The following NUP133 variants were observed in gnomAD, a reference collection of about 807,000 sequenced individuals.
The protein encoded by NUP133 is nucleoporin 133, also known as nuclear pore complex protein Nup133.
A neutral mutation model predicts 146.2 loss-of-function variants in NUP133; 66 were observed. That is an observed-to-expected ratio of 0.45 (90% CI 0.37 to 0.55). The LOEUF is 0.55. Ranked by LOEUF, NUP133 falls within the 20% of genes least tolerant of loss-of-function variation. The pLI is 0.00. For missense variants in NUP133, 1,277 were observed against 1,374.8 expected (o/e 0.93, Z 1.12); for synonymous variants, 521 against 498.8 (o/e 1.04, Z -0.59).
rs1192932807 is a variant in NUP133, at chr1:229,486,535, G to A, written c.1343-7C>T. 3.1e-6 allele frequency: 5 copies of A among 1,599,492 alleles called. No homozygotes were observed. The highest frequency in any genetic ancestry group is 4.3e-6 in the Non-Finnish European group (5 of 1,176,034). On this transcript the variant is annotated splice_region_variant and splice_polypyrimidine_tract_variant and intron_variant, in intron 10 of 25. Coordinates refer to ENST00000261396, the MANE Select transcript of NUP133 (RefSeq NM_018230.3). ...GCACCTAAAACACTATCTCCTAAAA[G>A]AAAGGAAAACAGAGTCAAATACATC...
intron 9 of NUP133, among the ~76,000 whole-genome samples, chr1:229,489,149 T>TTTCTTC (rs1661440314): frequency 6.6e-6 from 1 of 152,134 alleles, no homozygotes; most frequent in African/African-American, 2.4e-5. Context: ...CCTTTTTCTT[T>TTTCTTC]TTCTTCTTTT....
chr1:229,455,175 T>A (rs1660534084), intron 21 of NUP133, among the ~76,000 whole-genome samples: 2 of 152,246 alleles, frequency 1.3e-5, no homozygotes, highest in Non-Finnish European at 2.9e-5. Flanking sequence ...TAGGCTGGAC[T>A]CTGTGGATAA....
chr1:229,487,716 C>T lies in NUP133; in HGVS notation c.1195-103G>A, dbSNP rs1004078867. On this transcript the variant is annotated intron_variant, in intron 9 of 25. Transcript: ENST00000261396. ...TACATTATTTCATAAAAATATTTCA[C>T]CAATTCTCTTTGTAAAAATCTGAAC... 6 of 902,768 alleles carry T rather than the reference C, an allele frequency of 6.6e-6. No homozygotes were observed. In the African/African-American group the frequency reaches 1.0e-4, roughly 15 times the overall value. 55.9% of individuals were successfully genotyped at this position (902,768 alleles called of 1,614,324 possible). A position where few individuals can be genotyped will look rare whatever the true frequency, so the allele number is the denominator to read the frequency against.
intron 12 of NUP133, among the ~76,000 whole-genome samples, chr1:229,481,540 CT>C (rs1300562455): frequency 6.6e-6 from 1 of 151,926 alleles, no homozygotes; most frequent in Non-Finnish European, 1.5e-5. Flanking sequence ...AACCTCGTCT[CT>C]ATTAAAAATT....
intron 12 of NUP133, among the ~76,000 whole-genome samples, chr1:229,478,463 G>A (rs765065338): frequency 1.3e-5 from 2 of 151,842 alleles, no homozygotes; most frequent in Admixed American, 1.3e-4. Context: ...TGGGGGAGGG[G>A]TATACAGCTG....
At chr1:229,495,606 G>T in intron 7 of NUP133, 41 bp from the exon 8 acceptor site, 1 of 1,429,626 alleles carries the variant, frequency 7.0e-7, no homozygotes. Context: ...TCAAGTGCAG[G>T]AATGATTTAT....
At chr1:229,494,711 G>A (rs927159845) in intron 8 of NUP133, among the ~76,000 whole-genome samples, 2 of 152,178 alleles carry the variant, frequency 1.3e-5, no homozygotes, top group African/African-American at 2.4e-5. Context: ...TATGAACTAT[G>A]ATTAAGTTCT....
rs767384076 is a variant in NUP133 at position 229,466,674 on chromosome 1, T to C, written c.2159A>G (p.Glu720Gly). Reference protein sequence around the residue: ...VLRDAPMDSIEWAEVVINVNN... With the variant: ...VLRDAPMDSIGWAEVVINVNN... Reference sequence around the variant, plus strand: ...CACATTGATCACCACTTCAGCCCATTCAATGGAATCCATAGGTGCATCCCT... The same window carrying C: ...CACATTGATCACCACTTCAGCCCATCCAATGGAATCCATAGGTGCATCCCT... Residue 720 changes from glutamate (E) to glycine (G), a missense_variant, in exon 16 of 26, where the codon GAA (glutamate) becomes GGA (glycine). Glu to Gly is a moderately conservative substitution (Grantham distance 98). Transcript: ENST00000261396. The C allele has an allele frequency of 1.2e-6, 2 of 1,614,054 alleles. No individual in the cohort carries two copies. The highest frequency in any genetic ancestry group is 8.5e-7 in the Non-Finnish European group (1 of 1,179,948).
rs1179439770 is a variant in NUP133, at chr1:229,508,218, G to A, written c.32C>T (p.Pro11Leu). 1.9e-6 allele frequency: 3 copies of A among 1,548,422 alleles called. No individual in the cohort carries two copies. Among genetic ancestry groups the A allele is most frequent in the East Asian group, 2.4e-5 (1 of 40,900 alleles). ...CGGGCCCCTTCGGGACCCGGTACCC[G>A]GGGTCCGCGGAGAAGGGGCGGCTGG... MFPAAPSPRT[P>L]GTGSRRGPLA... is the part of the protein sequence containing the mutation. The change falls in exon 1 of 26, where the codon CCG becomes CTG. Residue 11 changes from proline (P) to leucine (L), a missense_variant. Physicochemically the swap from Pro to Leu is moderately conservative, Grantham distance 98. This residue lies in a region of NUP133 where 319 missense variants were observed against 306.9 expected (regional missense o/e 1.04). Coordinates refer to ENST00000261396, the MANE Select transcript of NUP133 (RefSeq NM_018230.3).
chr1:229,506,229 T>G, intron 1 of NUP133, 71 bp from the exon 2 acceptor site: 1 of 815,730 alleles, frequency 1.2e-6, no homozygotes. Context: ...TTTATGTATA[T>G]ATTTTCACAG....
intron 18 of NUP133, 55 bp from the exon 19 acceptor site, chr1:229,463,731 T>A: frequency 6.6e-7 from 1 of 1,505,658 alleles, no homozygotes; most frequent in Non-Finnish European, 8.9e-7. Flanking sequence ...TTAAAATCTG[T>A]AATAAAAAAT....
intron 24 of NUP133, among the ~76,000 whole-genome samples, chr1:229,447,320 AT>A (rs1660323043): frequency 6.6e-6 from 1 of 152,180 alleles, no homozygotes; most frequent in African/African-American, 2.4e-5. Flanking sequence ...CATAATATGT[AT>A]GTTACAATAT....
At chr1:229,442,840 G>A (rs1294681906) in intron 25 of NUP133, among the ~76,000 whole-genome samples, 4 of 151,470 alleles carry the variant, frequency 2.6e-5, no homozygotes, top group African/African-American at 9.7e-5. Flanking sequence ...CCGGTAACTA[G>A]GATTACAGGT....
At chr1:229,482,534 T>G (rs954258349) in intron 12 of NUP133, among the ~76,000 whole-genome samples, 1 of 152,168 alleles carries the variant, frequency 6.6e-6, no homozygotes, top group African/African-American at 2.4e-5. Flanking sequence ...TTCCTGAGTA[T>G]TTATTCAAAT....
chr1:229,463,251 C>T (rs755939992), intron 19 of NUP133, among the ~76,000 whole-genome samples: 1 of 151,998 alleles, frequency 6.6e-6, no homozygotes, highest in Non-Finnish European at 1.5e-5. Flanking sequence ...ATTAGCCAGG[C>T]ATGGTGGCGA....
chr1:229,453,396 A>C (rs1238001035), intron 21 of NUP133, among the ~76,000 whole-genome samples: 1 of 152,212 alleles, frequency 6.6e-6, no homozygotes. Flanking sequence ...GCTTCTTGGG[A>C]GCATGTCTAG....
In NUP133 at chr1:229,501,452, C is replaced by T. The variant is rs374633811; in HGVS notation, c.405+547G>A. The stretch of plus-strand genomic sequence containing the variant: ...GCCCTGAGTTCCAACGGAACATGGC[C>T]AAGGAAGTAATGACTGGTAGAAGAG... On this transcript the variant is annotated intron_variant, in intron 3 of 25. Coordinates refer to ENST00000261396, the MANE Select transcript of NUP133 (RefSeq NM_018230.3). Among the ~76,000 whole-genome samples the T allele has an allele frequency of 4.6e-5, 7 of 152,186 alleles. No homozygotes were observed. In the East Asian group the frequency reaches 5.8e-4, roughly 13 times the overall value.
At chr1:229,489,272 C>A (rs78622589) in intron 9 of NUP133, among the ~76,000 whole-genome samples, 1 of 152,154 alleles carries the variant, frequency 6.6e-6, no homozygotes, top group South Asian at 2.1e-4. Context: ...CTTCCTGCCT[C>A]GGCCTGTTGA....
chr1:229,506,346 C>T (rs530752309), intron 1 of NUP133, among the ~76,000 whole-genome samples, 188 bp from the exon 2 acceptor site: 1 of 150,850 alleles, frequency 6.6e-6, no homozygotes, highest in East Asian at 1.9e-4. Flanking sequence ...GAAAACTTGG[C>T]TTCAATCCCA....
Sources: allele counts gnomAD v4.1 joint callset (sites outside exome capture counted in the v4.1 genomes callset), GRCh38; gene constraint gnomAD v4.1.1; regional missense constraint gnomAD v4.1.1; transcripts MANE v1.5; gene names NCBI Gene and HGNC (gene_info 2026-07-23, HGNC 2026-07-21).